TOX: variants seen among roughly 807,000 people sequenced by gnomAD.
TOX encodes the protein thymocyte selection associated high mobility group box, also known as thymocyte selection-associated high mobility group box protein TOX.
In TOX, 11 loss-of-function variants were observed where a neutral mutation model predicts 53.7. The ratio of observed to expected loss-of-function variants is 0.20; its 90% CI spans 0.13 to 0.34. The LOEUF (loss-of-function observed/expected upper bound fraction) is 0.34. Among genes scored for constraint, TOX ranks in the 10% least tolerant of loss-of-function variants. The pLI is 1.00. For synonymous variants in TOX, 225 were observed against 245.3 expected (o/e 0.92, Z 0.77); for missense variants, 570 against 664.6 (o/e 0.86, Z 1.56).
chr8:59,087,872 C>T (rs1384354193), intron 1 of TOX, among the ~76,000 whole-genome samples: 2 of 152,162 alleles, frequency 1.3e-5, no homozygotes, highest in African/African-American at 2.4e-5. Flanking sequence ...TTATGTTTCA[C>T]AAGAAAAGGT....
At chr8:58,981,720 C>T (rs1291545279) in intron 1 of TOX, among the ~76,000 whole-genome samples, 1 of 152,152 alleles carries the variant, frequency 6.6e-6, no homozygotes, top group Non-Finnish European at 1.5e-5. Context: ...GAAAAGTCCA[C>T]CCGAACAAAC....
chr8:58,997,818 A>C (rs1813588554), intron 1 of TOX, among the ~76,000 whole-genome samples: 1 of 152,046 alleles, frequency 6.6e-6, no homozygotes, highest in African/African-American at 2.4e-5. Flanking sequence ...TTTGAGACGG[A>C]GTCTCCCTCT....
At chr8:58,807,806 G>T (rs1810005739) in intron 8 of TOX, 23 bp from the exon 9 acceptor site, 1 of 1,613,876 alleles carries the variant, frequency 6.2e-7, no homozygotes, top group Non-Finnish European at 8.5e-7. Context: ...AAAAAAGACA[G>T]TTCCTTGTTA....
chr8:58,834,765 A>G (rs980574942), intron 5 of TOX, among the ~76,000 whole-genome samples: 28 of 152,036 alleles, frequency 1.8e-4, no homozygotes, highest in African/African-American at 6.0e-4. Context: ...CATTAATTTG[A>G]CCCTCTCCCT....
At chr8:58,829,583 C>G (rs965070457) in intron 5 of TOX, among the ~76,000 whole-genome samples, 1 of 152,086 alleles carries the variant, frequency 6.6e-6, no homozygotes, top group African/African-American at 2.4e-5. Context: ...GGGGAGTAGC[C>G]TGGACCAGAA....
intron 5 of TOX, among the ~76,000 whole-genome samples, chr8:58,834,775 T>C (rs1810520100): frequency 6.6e-6 from 1 of 152,200 alleles, no homozygotes; most frequent in Non-Finnish European, 1.5e-5. Context: ...ACCCTCTCCC[T>C]GCTTGGTTCT....
At chr8:59,053,806 T>A (rs539104711) in intron 1 of TOX, among the ~76,000 whole-genome samples, 1 of 152,226 alleles carries the variant, frequency 6.6e-6, no homozygotes. Context: ...AATTGTCTAA[T>A]GTTTTAATGT....
Position 59,025,677 on chromosome 8 carries a change from C to A in TOX, c.103-65669G>T, listed in dbSNP as rs911564548. On this transcript the variant is annotated intron_variant, in intron 1 of 8. Transcript: ENST00000361421. ...GTCTCTCAATCGGCCTGGTGACTTT[C>A]TTCTTCAAGGCCCAACTCAGAGGTC... Among the ~76,000 whole-genome samples the A allele has an allele frequency of 3.9e-5, 6 of 152,132 alleles. No individual in the cohort carries two copies. In the East Asian group the frequency reaches 1.2e-3, roughly 29 times the overall value.
chr8:58,838,515 AACTTT>A (rs1161291162), intron 4 of TOX, among the ~76,000 whole-genome samples: 2 of 151,972 alleles, frequency 1.3e-5, no homozygotes, highest in Non-Finnish European at 2.9e-5. Context: ...TCCTACTCCC[AACTTT>A]ACTCACCTAG....
chr8:58,898,288 G>A (rs1020294090), intron 3 of TOX, among the ~76,000 whole-genome samples: 3 of 87,732 alleles, frequency 3.4e-5, no homozygotes, highest in Admixed American at 9.8e-5. Flanking sequence ...TTACACCTTC[G>A]CAAAATATTA....
intron 1 of TOX, among the ~76,000 whole-genome samples, chr8:59,096,639 T>G (rs914360988): frequency 1.3e-5 from 2 of 152,126 alleles, no homozygotes; most frequent in African/African-American, 4.8e-5. Flanking sequence ...ATAATACTAT[T>G]TCTGGTAATT....
intron 1 of TOX, among the ~76,000 whole-genome samples, chr8:58,977,487 TA>T (rs1383960095): frequency 6.6e-6 from 1 of 152,174 alleles, no homozygotes; most frequent in African/African-American, 2.4e-5. Flanking sequence ...TTCACAGGAG[TA>T]GCACTTTTAA....
intron 1 of TOX, among the ~76,000 whole-genome samples, chr8:59,062,492 G>T (rs1472356542): frequency 3.3e-5 from 5 of 152,166 alleles, no homozygotes; most frequent in African/African-American, 9.7e-5. Context: ...GAGTTTGAAG[G>T]TTGCATGAGA....
rs138256946 is a variant in TOX at position 58,972,896 on chromosome 8, A to G, written c.103-12888T>C. Among the ~76,000 whole-genome samples the G allele has an allele frequency of 5.8e-3, 886 of 152,320 alleles. 4 individuals carry two copies. Among genetic ancestry groups the G allele is most frequent in the African/African-American group, 0.02 (846 of 41,572 alleles). ...ATAATATTGCTTAAAATACCTTCGG[A>G]ACAGTTCTGAGCAGAATGTGCACAT... On this transcript the variant is annotated intron_variant, in intron 1 of 8. Coordinates refer to ENST00000361421, the MANE Select transcript of TOX (RefSeq NM_014729.3).
chr8:58,895,172 A>G (rs929940641), intron 3 of TOX, among the ~76,000 whole-genome samples: 2 of 152,220 alleles, frequency 1.3e-5, no homozygotes, highest in Non-Finnish European at 2.9e-5. Context: ...TGGGGGATAT[A>G]GTGAGACTCT....
chr8:59,076,240 G>T (rs778202399), intron 1 of TOX, among the ~76,000 whole-genome samples: 46 of 152,202 alleles, frequency 3.0e-4, no homozygotes, highest in Non-Finnish European at 5.1e-4. Context: ...AAGTCACGCT[G>T]CAAGACACTG....
At chr8:58,823,888 A>C (rs1397251519) in intron 6 of TOX, among the ~76,000 whole-genome samples, 1 of 152,234 alleles carries the variant, frequency 6.6e-6, no homozygotes, top group African/African-American at 2.4e-5. Context: ...ATGCAAAGTC[A>C]TATTTGGGGA....
chr8:58,900,827 G>T (rs1052230225), intron 3 of TOX, among the ~76,000 whole-genome samples: 1 of 152,070 alleles, frequency 6.6e-6, no homozygotes, highest in African/African-American at 2.4e-5. Flanking sequence ...ATAAAATAAA[G>T]ATCATGTATA....
Position 59,026,087 on chromosome 8 carries a change from T to C in TOX, c.103-66079A>G, listed in dbSNP as rs57382729. On this transcript the variant is annotated intron_variant, in intron 1 of 8. Transcript: ENST00000361421. Reference sequence around the variant, plus strand: ...CTCTATCTGCGCTCATTCAAGGGCATTGACGGGTTCTAGATTTGTTTCACT... The same window carrying C: ...CTCTATCTGCGCTCATTCAAGGGCACTGACGGGTTCTAGATTTGTTTCACT... Among the ~76,000 whole-genome samples, 610 of 152,106 alleles carry C rather than the reference T, an allele frequency of 4.0e-3. 4 individuals carry two copies. The highest frequency in any genetic ancestry group is 0.014 in the African/African-American group (597 of 41,486).
Sources: gnomAD v4.1 joint callset for allele counts (sites outside exome capture counted in the v4.1 genomes callset) on GRCh38, gnomAD v4.1.1 for gene constraint, MANE v1.5 for transcripts, NCBI Gene and HGNC (gene_info 2026-07-23, HGNC 2026-07-21) for gene names.